DNAJC1: variants seen among roughly 807,000 people sequenced by gnomAD.
The protein encoded by DNAJC1 is DnaJ heat shock protein family (Hsp40) member C1, also known as dnaJ homolog subfamily C member 1.
A neutral mutation model predicts 76.6 loss-of-function variants in DNAJC1; 58 were observed. The observed-to-expected ratio is 0.76, with a 90% CI of 0.61 to 0.94. The LOEUF is 0.94. Among genes scored for constraint, DNAJC1 ranks in the 40% least tolerant of loss-of-function variants. The pLI is 0.00. For synonymous variants in DNAJC1, 258 were observed against 267.9 expected (o/e 0.96, Z 0.36); for missense variants, 689 against 677.3 (o/e 1.02, Z -0.19).
chr10:21,906,993 C>T (rs1384156750), intron 6 of DNAJC1, among the ~76,000 whole-genome samples: 4 of 152,128 alleles, frequency 2.6e-5, no homozygotes, highest in African/African-American at 9.7e-5. Context: ...TATCTTCTTG[C>T]TTATGTGACC....
intron 1 of DNAJC1, among the ~76,000 whole-genome samples, chr10:21,987,890 A>C (rs4146689): frequency 0.78 from 118,899 of 152,064 alleles, 47,281 homozygotes; most frequent in East Asian, 0.99. Flanking sequence ...CATGTTTCTG[A>C]CTTGCCCTTG....
intron 8 of DNAJC1, among the ~76,000 whole-genome samples, chr10:21,851,820 C>T (rs985681492): frequency 3.3e-5 from 5 of 151,898 alleles, no homozygotes; most frequent in African/African-American, 1.2e-4. Context: ...TTTGGGAGGC[C>T]GAGACGGGTG....
chr10:21,776,556 G>T (rs965245403), intron 9 of DNAJC1, among the ~76,000 whole-genome samples: 1 of 152,102 alleles, frequency 6.6e-6, no homozygotes, highest in African/African-American at 2.4e-5. Context: ...TCTGTTACCT[G>T]AACATTAAAT....
chr10:21,953,892 C>T (rs908015196), intron 1 of DNAJC1, among the ~76,000 whole-genome samples: 1 of 145,022 alleles, frequency 6.9e-6, no homozygotes, highest in African/African-American at 2.5e-5. Flanking sequence ...CACTTACACA[C>T]TTTCCTTTGT....
intron 8 of DNAJC1, among the ~76,000 whole-genome samples, chr10:21,869,552 GCA>G (rs1392792512): frequency 6.6e-6 from 1 of 152,056 alleles, no homozygotes; most frequent in Non-Finnish European, 1.5e-5. Flanking sequence ...ACCACCTCGG[GCA>G]CCTGTTCTCA....
chr10:21,904,308 C>G (rs1168373134), intron 7 of DNAJC1, among the ~76,000 whole-genome samples: 1 of 151,832 alleles, frequency 6.6e-6, no homozygotes, highest in Non-Finnish European at 1.5e-5. Context: ...TGATTTTATC[C>G]TTCCTTCTGA....
At chr10:21,773,205 T>C (rs1834410920) in intron 9 of DNAJC1, among the ~76,000 whole-genome samples, 1 of 152,240 alleles carries the variant, frequency 6.6e-6, no homozygotes. Flanking sequence ...CTCTTTCTAG[T>C]GTCTTAAGGT....
At chr10:21,923,071 C>T (rs1400094398) in intron 3 of DNAJC1, among the ~76,000 whole-genome samples, 5 of 151,890 alleles carry the variant, frequency 3.3e-5, no homozygotes, top group African/African-American at 4.8e-5. Flanking sequence ...TTCTACCCTA[C>T]GTACAAATTG....
chr10:21,756,749 A>AGT lies in DNAJC1; in HGVS notation c.1601_1602dup (p.Cys535ThrfsTer27). On this transcript the variant is annotated frameshift_variant, in exon 12 of 12. Transcript: ENST00000376980. LOFTEE classifies it high-confidence loss of function. ...ACCAGCAACTTGTACCTAGCGATAC[A>AGT]GTCTTCCTGTAGGAAGAAAAAAAGA... The AGT allele has an allele frequency of 1.2e-6, 2 of 1,613,340 alleles. No individual in the cohort carries two copies. The highest frequency in any genetic ancestry group is 1.6e-4 in the Middle Eastern group (1 of 6,062).
Position 22,003,711 on chromosome 10 carries a change from C to T in DNAJC1, c.-277G>A, listed in dbSNP as rs1838569123. 2 of 348,794 alleles carry T rather than the reference C, an allele frequency of 5.7e-6. No homozygotes were observed. Among genetic ancestry groups the T allele is most frequent in the South Asian group, 1.3e-4 (1 of 7,456 alleles). 21.6% of individuals were successfully genotyped at this position (348,794 alleles called of 1,614,324 possible). On this transcript the variant is annotated 5_prime_UTR_variant, in exon 1 of 12. Transcript: ENST00000376980. The stretch of plus-strand genomic sequence containing the variant: ...TACACACAGCTGTAGAGGCAGCGCC[C>T]GGCGCCTGGGCTGCACAGTGGGTGA...
At chr10:21,846,440 T>G (rs1018753010) in intron 8 of DNAJC1, among the ~76,000 whole-genome samples, 1 of 152,132 alleles carries the variant, frequency 6.6e-6, no homozygotes, top group Non-Finnish European at 1.5e-5. Flanking sequence ...TGTGGCTAAA[T>G]GCATCTGTGG....
intron 6 of DNAJC1, among the ~76,000 whole-genome samples, chr10:21,910,955 A>G (rs1358352401): frequency 4.1e-5 from 6 of 147,950 alleles, no homozygotes; most frequent in Non-Finnish European, 9.0e-5. Flanking sequence ...CAAAGAAGAG[A>G]GAGAGAAAGA....
At chr10:21,819,627 A>C (rs1010670669) in intron 8 of DNAJC1, among the ~76,000 whole-genome samples, 4 of 151,998 alleles carry the variant, frequency 2.6e-5, no homozygotes, top group Admixed American at 2.6e-4. Context: ...TTTTTTATTG[A>C]GATCTAATTA....
chr10:21,915,483 G>A (rs1203065204), intron 6 of DNAJC1, among the ~76,000 whole-genome samples: 1 of 152,178 alleles, frequency 6.6e-6, no homozygotes, highest in Non-Finnish European at 1.5e-5. Context: ...TTTTAGCTTG[G>A]ACCCTGCTTC....
intron 8 of DNAJC1, among the ~76,000 whole-genome samples, chr10:21,857,414 A>G (rs560986594): frequency 4.6e-5 from 7 of 152,152 alleles, no homozygotes; most frequent in Non-Finnish European, 1.5e-5. Context: ...AAGGTTCTAC[A>G]CCTCATGGAG....
At chr10:21,828,197 T>C (rs1034119514) in intron 8 of DNAJC1, among the ~76,000 whole-genome samples, 3 of 152,220 alleles carry the variant, frequency 2.0e-5, no homozygotes, top group Non-Finnish European at 4.4e-5. Flanking sequence ...ATTTATCATA[T>C]GAGATGGCTG....
chr10:21,856,741 A>T (rs1172040076), intron 8 of DNAJC1, among the ~76,000 whole-genome samples: 8 of 149,130 alleles, frequency 5.4e-5, no homozygotes, highest in Admixed American at 6.7e-5. Flanking sequence ...AGAAAAAAAA[A>T]TTTTTTTTTT....
At chr10:21,990,377 T>TA (rs913976997) in intron 1 of DNAJC1, among the ~76,000 whole-genome samples, 7 of 152,088 alleles carry the variant, frequency 4.6e-5, no homozygotes, top group East Asian at 3.9e-4. Flanking sequence ...GTATTTTTTT[T>TA]AAAAAAAGGC....
At chr10:21,913,091 G>A (rs1461120761) in intron 6 of DNAJC1, among the ~76,000 whole-genome samples, 1 of 151,796 alleles carries the variant, frequency 6.6e-6, no homozygotes, top group East Asian at 1.9e-4. Context: ...ATGGGGGTGG[G>A]GATATGCATG....
Sources: gnomAD v4.1 joint callset for allele counts (sites outside exome capture counted in the v4.1 genomes callset) on GRCh38, gnomAD v4.1.1 for gene constraint, MANE v1.5 for transcripts, NCBI Gene and HGNC (gene_info 2026-07-23, HGNC 2026-07-21) for gene names.